Variants in SPOCK3 observed in about 807,000 individuals in gnomAD.
SPOCK3 encodes testican-3.
In SPOCK3, 30 loss-of-function variants were observed where a neutral mutation model predicts 56.6. The observed-to-expected ratio is 0.53, with a 90% CI of 0.40 to 0.72. The LOEUF is 0.72. SPOCK3 is among the 30% of genes least tolerant of loss of function. The probability of loss-of-function intolerance (pLI) is 0.00; values close to 1 mark genes in which losing one functional copy is unlikely to be tolerated. For missense variants in SPOCK3, 527 were observed against 530.0 expected, an observed-to-expected ratio of 0.99 and a Z score of 0.06; for synonymous variants, 196 against 183.3, an observed-to-expected ratio of 1.07 and a Z score of -0.56.
chr4:167,208,617 C>G (rs571514049), intron 2 of SPOCK3, among the ~76,000 whole-genome samples: 1 of 152,012 alleles, frequency 6.6e-6, no homozygotes, highest in East Asian at 1.9e-4. Flanking sequence ...ATTTCTATTC[C>G]ATTACTCCTT....
chr4:166,740,805 C>T (rs543254540), intron 9 of SPOCK3, among the ~76,000 whole-genome samples: 2 of 152,142 alleles, frequency 1.3e-5, no homozygotes, highest in East Asian at 3.9e-4. Context: ...GGATTACAGG[C>T]GTGAGCCACT....
At chr4:166,802,719 T>G (rs913337981) in intron 6 of SPOCK3, among the ~76,000 whole-genome samples, 8 of 152,036 alleles carry the variant, frequency 5.3e-5, no homozygotes, top group African/African-American at 1.9e-4. Flanking sequence ...TTCTGGAAGG[T>G]TAGCCTGGTA....
At chr4:166,884,169 C>T (rs193076013) in intron 6 of SPOCK3, among the ~76,000 whole-genome samples, 108 of 152,002 alleles carry the variant, frequency 7.1e-4, no homozygotes, top group African/African-American at 2.5e-3. Context: ...CTGGCTAACA[C>T]AGTGAAACCC....
At chr4:166,868,491 A>G (rs1579480605) in intron 6 of SPOCK3, among the ~76,000 whole-genome samples, 1 of 152,044 alleles carries the variant, frequency 6.6e-6, no homozygotes, top group Admixed American at 6.6e-5. Context: ...TACAATGAGT[A>G]TAAATCTTAC....
intron 6 of SPOCK3, among the ~76,000 whole-genome samples, chr4:166,807,222 A>G (rs991185638): frequency 2.6e-5 from 4 of 151,918 alleles, no homozygotes; most frequent in African/African-American, 9.7e-5. Context: ...GAGGTGATGC[A>G]GCTGGCTTGG....
chr4:166,894,836 A>G (rs1369599514), intron 5 of SPOCK3, among the ~76,000 whole-genome samples: 1 of 152,156 alleles, frequency 6.6e-6, no homozygotes, highest in African/African-American at 2.4e-5. Context: ...TATTAATACG[A>G]ATATTTTATT....
At chr4:167,087,908 T>C (rs540213936) in intron 2 of SPOCK3, among the ~76,000 whole-genome samples, 1 of 152,266 alleles carries the variant, frequency 6.6e-6, no homozygotes, top group South Asian at 2.1e-4. Flanking sequence ...GATGTAGGTA[T>C]AGATTTTTTT....
intron 3 of SPOCK3, among the ~76,000 whole-genome samples, chr4:167,014,787 A>C (rs1221195366): frequency 6.6e-6 from 1 of 151,974 alleles, no homozygotes; most frequent in Non-Finnish European, 1.5e-5. Context: ...ACACACCCCT[A>C]CACAAATGGT....
chr4:166,768,008 C>T (rs1284858250), intron 7 of SPOCK3, among the ~76,000 whole-genome samples: 1 of 115,266 alleles, frequency 8.7e-6, no homozygotes, highest in Non-Finnish European at 1.8e-5. Flanking sequence ...ACTAGGATTG[C>T]AAACCCTGCT....
chr4:167,005,835 T>C (rs1367957063), intron 3 of SPOCK3, among the ~76,000 whole-genome samples: 1 of 152,200 alleles, frequency 6.6e-6, no homozygotes, highest in African/African-American at 2.4e-5. Flanking sequence ...TGTGAATTAA[T>C]GTAAATTAAT....
At chr4:167,160,354 A>T (rs1031084512) in intron 2 of SPOCK3, among the ~76,000 whole-genome samples, 3 of 152,168 alleles carry the variant, frequency 2.0e-5, no homozygotes, top group Admixed American at 1.3e-4. Flanking sequence ...GGACCTCTTC[A>T]AGGAGAACTA....
chr4:166,788,561 T>C (rs1740983285), intron 7 of SPOCK3, among the ~76,000 whole-genome samples: 1 of 151,920 alleles, frequency 6.6e-6, no homozygotes, highest in African/African-American at 2.4e-5. Context: ...TAAAGAAGTA[T>C]ATGAATATTA....
intron 2 of SPOCK3, among the ~76,000 whole-genome samples, chr4:167,078,428 G>A (rs557522232): frequency 6.7e-6 from 1 of 149,450 alleles, no homozygotes; most frequent in Non-Finnish European, 1.5e-5. Flanking sequence ...ACAGCAAAAG[G>A]TAAGTTGTCT....
intron 2 of SPOCK3, among the ~76,000 whole-genome samples, chr4:167,073,385 A>G (rs144978224): frequency 6.6e-6 from 1 of 151,974 alleles, no homozygotes; most frequent in East Asian, 1.9e-4. Flanking sequence ...AATAACGGTC[A>G]TCATAAATGA....
At chr4:166,891,766 C>G (rs955707493) in intron 5 of SPOCK3, among the ~76,000 whole-genome samples, 1 of 151,820 alleles carries the variant, frequency 6.6e-6, no homozygotes, top group Admixed American at 6.6e-5. Flanking sequence ...ATTTCAGAAC[C>G]CTGAACTTTC....
chr4:167,134,208 T>C (rs1247154430), intron 2 of SPOCK3, among the ~76,000 whole-genome samples: 1 of 151,590 alleles, frequency 6.6e-6, no homozygotes, highest in Non-Finnish European at 1.5e-5. Context: ...TTTTTTTGTA[T>C]TTTTTGTAGA....
chr4:166,939,717 C>T (rs1187700694), intron 4 of SPOCK3, among the ~76,000 whole-genome samples: 3 of 152,118 alleles, frequency 2.0e-5, no homozygotes, highest in East Asian at 1.9e-4. Context: ...CTAGTCACCT[C>T]GGTCTTGCTA....
chr4:167,093,693 T>C (rs994012014), intron 2 of SPOCK3, among the ~76,000 whole-genome samples: 6 of 152,346 alleles, frequency 3.9e-5, no homozygotes, highest in East Asian at 1.9e-4. Flanking sequence ...CAGTCTATTA[T>C]TGATAGGCAT....
At chr4:166,893,264 C>A (rs1463601368) in intron 5 of SPOCK3, among the ~76,000 whole-genome samples, 2 of 152,134 alleles carry the variant, frequency 1.3e-5, no homozygotes, top group Non-Finnish European at 2.9e-5. Flanking sequence ...TAATTCAATT[C>A]TCAAGATCCC....
Sources: gnomAD v4.1 joint callset for allele counts (sites outside exome capture counted in the v4.1 genomes callset) on GRCh38, gnomAD v4.1.1 for gene constraint, MANE v1.5 for transcripts, NCBI Gene and HGNC (gene_info 2026-07-23, HGNC 2026-07-21) for gene names.